The following PSMD1 variants were observed in gnomAD, a reference collection of about 807,000 sequenced individuals.
The protein encoded by PSMD1 is 26S proteasome non-ATPase regulatory subunit 1.
In PSMD1, 18 loss-of-function variants were observed where a neutral mutation model predicts 119.0. The observed-to-expected ratio is 0.15, with a 90% CI of 0.10 to 0.22. The LOEUF (loss-of-function observed/expected upper bound fraction) is 0.22. Among genes scored for constraint, PSMD1 ranks in the 10% least tolerant of loss-of-function variants. PSMD1 has a pLI of 1.00. For synonymous variants in PSMD1, 374 were observed against 396.6 expected (o/e 0.94, Z 0.68); for missense variants, 702 against 1,158.5 (o/e 0.61, Z 5.72).
At chr2:231,125,217 T>C (rs918768464) in intron 16 of PSMD1, 2 of 152,248 alleles carry the variant, frequency 1.3e-5, no homozygotes, top group Admixed American at 1.3e-4. Flanking sequence ...TTAAGCATGT[T>C]GAACCAGTTC....
At chr2:231,149,017 C>G (rs1696312983) in intron 18 of PSMD1, among the ~76,000 whole-genome samples, 1 of 152,080 alleles carries the variant, frequency 6.6e-6, no homozygotes, top group South Asian at 2.1e-4. Flanking sequence ...GTTATAAACC[C>G]CTCTCAAAGG....
At chr2:231,104,617 C>T (rs1694937964) in intron 16 of PSMD1, among the ~76,000 whole-genome samples, 1 of 152,046 alleles carries the variant, frequency 6.6e-6, no homozygotes, top group African/African-American at 2.4e-5. Flanking sequence ...AACCAGTATT[C>T]ACATTTTTTT....
rs544863106 is a variant in PSMD1, at chr2:231,073,158, G to A, written c.881+743G>A. On this transcript the variant is annotated intron_variant, in intron 7 of 24. Coordinates refer to ENST00000308696, the MANE Select transcript of PSMD1 (RefSeq NM_002807.4). ...AGCAGTCAGAACACACACATTTATTGATTGAGTTTGCTGTTTTATATGGGT... is the reference window on the plus strand; with the variant it reads ...AGCAGTCAGAACACACACATTTATTAATTGAGTTTGCTGTTTTATATGGGT... Among the ~76,000 whole-genome samples the A allele has an allele frequency of 2.0e-5, 3 of 152,298 alleles. No individual in the cohort carries two copies. In the South Asian group the frequency reaches 6.2e-4, roughly 32 times the overall value.
chr2:231,085,151 G>A (rs766103318), intron 15 of PSMD1, 37 bp downstream of exon 15: 8 of 1,545,004 alleles, frequency 5.2e-6, no homozygotes, highest in Non-Finnish European at 5.4e-6. Flanking sequence ...TGGGGTGGAC[G>A]GAAAAGCTTG....
At chr2:231,152,344 TAGG>T (rs1458154048) in intron 18 of PSMD1, among the ~76,000 whole-genome samples, 1 of 152,140 alleles carries the variant, frequency 6.6e-6, no homozygotes, top group Non-Finnish European at 1.5e-5. Flanking sequence ...GCAGAGATAA[TAGG>T]AGGGATTGGT....
intron 5 of PSMD1, among the ~76,000 whole-genome samples, chr2:231,069,084 A>G (rs1434098543): frequency 6.6e-6 from 1 of 152,152 alleles, no homozygotes; most frequent in Non-Finnish European, 1.5e-5. Context: ...AGCAAACAAG[A>G]CCAACAAAGT....
At position 231,075,115 on chromosome 2, in the gene PSMD1, A is replaced by G. The variant is rs143654566; in HGVS notation, c.882-396A>G. On this transcript the variant is annotated intron_variant, in intron 7 of 24. Transcript: ENST00000308696. ...TTCTCTGCCCAGCACTTTTTCCTCAATATGGTGCTTTGACCTACAAGGGAC... is the reference window on the plus strand; with the variant it reads ...TTCTCTGCCCAGCACTTTTTCCTCAGTATGGTGCTTTGACCTACAAGGGAC... Among the ~76,000 whole-genome samples, 239 of 152,246 alleles carry G rather than the reference A, an allele frequency of 1.6e-3. 3 individuals are homozygous for G. Among genetic ancestry groups the G allele is most frequent in the Non-Finnish European group, 4.7e-4 (32 of 68,010 alleles).
At chr2:231,146,599 T>C (rs1424487540) in intron 18 of PSMD1, among the ~76,000 whole-genome samples, 8 of 152,216 alleles carry the variant, frequency 5.3e-5, no homozygotes. Flanking sequence ...CTTGAAAAAT[T>C]AGAACTCTTG....
chr2:231,065,700 C>A (rs1693894853), intron 4 of PSMD1, among the ~76,000 whole-genome samples: 1 of 152,192 alleles, frequency 6.6e-6, no homozygotes, highest in Non-Finnish European at 1.5e-5. Context: ...AAAGATATAA[C>A]TAAATTGCAA....
At position 231,073,588 on chromosome 2, in the gene PSMD1, G is replaced by A. The variant is rs151179270; in HGVS notation, c.881+1173G>A. On this transcript the variant is annotated intron_variant, in intron 7 of 24. Transcript: ENST00000308696. ...GAATATCTTCAATTTGGGGCACATT[G>A]AAATCCCGATAATATTGAATCTTGT... Among the ~76,000 whole-genome samples, 132 of 152,162 alleles carry A rather than the reference G, an allele frequency of 8.7e-4. 1 individual carries two copies. Among genetic ancestry groups the A allele is most frequent in the African/African-American group, 2.9e-3 (122 of 41,506 alleles).
At position 231,078,843 on chromosome 2, in the gene PSMD1, G is replaced by A. The variant is rs552085528; in HGVS notation, c.1160+96G>A. The A allele has an allele frequency of 1.5e-4, 122 of 832,404 alleles. No homozygotes were observed. In the African/African-American group the frequency reaches 2.0e-3, roughly 14 times the overall value. 51.6% of individuals were successfully genotyped at this position (832,404 alleles called of 1,614,324 possible). A position where few individuals can be genotyped will look rare whatever the true frequency, so the allele number is the denominator to read the frequency against. ...GCAGTCTTACTCTGTGGCCCAGGCC[G>A]GAGGGCAGTGATGCGATCTCGGCTC... is the stretch of plus-strand genomic sequence containing the variant. On this transcript the variant is annotated intron_variant, in intron 10 of 24. Coordinates refer to ENST00000308696, the MANE Select transcript of PSMD1 (RefSeq NM_002807.4).
intron 19 of PSMD1, among the ~76,000 whole-genome samples, chr2:231,153,968 C>G (rs1279656464): frequency 6.6e-6 from 1 of 151,530 alleles, no homozygotes; most frequent in Non-Finnish European, 1.5e-5. Context: ...ATAAAATTAG[C>G]TGGGCGTGGT....
intron 16 of PSMD1, among the ~76,000 whole-genome samples, chr2:231,103,785 A>G (rs1694923039): frequency 6.6e-6 from 1 of 152,214 alleles, no homozygotes; most frequent in Non-Finnish European, 1.5e-5. Context: ...CTGTCTAAAA[A>G]TTATTCTCCT....
intron 17 of PSMD1, among the ~76,000 whole-genome samples, chr2:231,140,122 A>G (rs1385991567): frequency 3.3e-5 from 5 of 152,192 alleles, no homozygotes; most frequent in Non-Finnish European, 2.9e-5. Context: ...AACTCAAAAC[A>G]AAACATAGTT....
At chr2:231,142,280 T>C (rs1294792291) in intron 17 of PSMD1, among the ~76,000 whole-genome samples, 2 of 152,222 alleles carry the variant, frequency 1.3e-5, no homozygotes, top group African/African-American at 2.4e-5. Context: ...AGAGATGTCA[T>C]TGGGTATATC....
At chr2:231,123,007 C>A (rs1695598313) in intron 16 of PSMD1, among the ~76,000 whole-genome samples, 1 of 152,054 alleles carries the variant, frequency 6.6e-6, no homozygotes, top group Non-Finnish European at 1.5e-5. Flanking sequence ...AATTCAAAGA[C>A]CTTATCGTTA....
In PSMD1 at chr2:231,112,715, T is replaced by C. The variant is rs540164254; in HGVS notation, c.1883+25534T>C. On this transcript the variant is annotated intron_variant, in intron 16 of 24. Coordinates refer to ENST00000308696, the MANE Select transcript of PSMD1 (RefSeq NM_002807.4). ...GATACTAACATATAAGAGTTTTGAATGATTTACGCATACTTCATGATAAGA... is the reference window on the plus strand; with the variant it reads ...GATACTAACATATAAGAGTTTTGAACGATTTACGCATACTTCATGATAAGA... Among the ~76,000 whole-genome samples the C allele has an allele frequency of 7.2e-5, 11 of 152,346 alleles. No homozygotes were observed. In the South Asian group the frequency reaches 2.3e-3, roughly 32 times the overall value.
At chr2:231,102,422 C>T (rs1299056462) in intron 16 of PSMD1, among the ~76,000 whole-genome samples, 1 of 152,132 alleles carries the variant, frequency 6.6e-6, no homozygotes, top group Non-Finnish European at 1.5e-5. Flanking sequence ...TTTTGACTCC[C>T]CCAAAACTTA....
At chr2:231,117,872 G>A (rs1352694958) in intron 16 of PSMD1, among the ~76,000 whole-genome samples, 1 of 152,096 alleles carries the variant, frequency 6.6e-6, no homozygotes, top group Non-Finnish European at 1.5e-5. Flanking sequence ...CCCTAGGGGG[G>A]AAAAAATTCT....
Sources: allele counts gnomAD v4.1 joint callset (sites outside exome capture counted in the v4.1 genomes callset), GRCh38; gene constraint gnomAD v4.1.1; transcripts MANE v1.5; gene names NCBI Gene and HGNC (gene_info 2026-07-23, HGNC 2026-07-21).